The following PEBP4 variants were observed in gnomAD, a reference collection of about 807,000 sequenced individuals.
PEBP4 encodes the protein phosphatidylethanolamine binding protein 4.
In PEBP4, 22 loss-of-function variants were observed where a neutral mutation model predicts 23.9. The ratio of observed to expected loss-of-function variants is 0.92; its 90% CI spans 0.66 to 1.31. The LOEUF (loss-of-function observed/expected upper bound fraction) is 1.31, where lower values mean the gene tolerates loss of function less well. Ranked by LOEUF, PEBP4 falls within the 40% of genes most tolerant of loss-of-function variation. The probability of loss-of-function intolerance (pLI) is 0.00; values close to 1 mark genes in which losing one functional copy is unlikely to be tolerated. For missense variants in PEBP4, 324 were observed against 281.7 expected, an observed-to-expected ratio of 1.15 and a Z score of -1.07; for synonymous variants, 112 against 99.3, an observed-to-expected ratio of 1.13 and a Z score of -0.76.
intron 3 of PEBP4, among the ~76,000 whole-genome samples, chr8:22,859,918 C>G (rs950373211): frequency 6.6e-6 from 1 of 151,554 alleles, no homozygotes; most frequent in Non-Finnish European, 1.5e-5. Context: ...CAGGAGATGT[C>G]TGTCCCTGGG....
At chr8:22,939,778 C>T (rs2128783770) in intron 1 of PEBP4, among the ~76,000 whole-genome samples, 1 of 152,268 alleles carries the variant, frequency 6.6e-6, no homozygotes, top group South Asian at 2.1e-4. Flanking sequence ...GCTCTGACCC[C>T]TTCCCTCACC....
intron 4 of PEBP4, among the ~76,000 whole-genome samples, chr8:22,729,938 T>G (rs1256234453): frequency 6.6e-6 from 1 of 152,178 alleles, no homozygotes; most frequent in Non-Finnish European, 1.5e-5. Context: ...CAACACCTGG[T>G]AGGGGCTTTA....
intron 3 of PEBP4, among the ~76,000 whole-genome samples, chr8:22,854,998 ACG>A (rs748855260): frequency 3.0e-4 from 16 of 53,720 alleles, no homozygotes; most frequent in East Asian, 1.1e-3. Context: ...GTGAGTATGC[ACG>A]CACACACACA....
intron 4 of PEBP4, among the ~76,000 whole-genome samples, chr8:22,760,569 G>A (rs930975469): frequency 6.6e-6 from 1 of 152,008 alleles, no homozygotes; most frequent in African/African-American, 2.4e-5. Flanking sequence ...AGGGAGGATG[G>A]CAGGGGGGGC....
chr8:22,788,839 A>C (rs1806080046), intron 4 of PEBP4, among the ~76,000 whole-genome samples: 1 of 152,210 alleles, frequency 6.6e-6, no homozygotes, highest in South Asian at 2.1e-4. Flanking sequence ...TTGTGTATTC[A>C]CAACTTTGTT....
intron 3 of PEBP4, among the ~76,000 whole-genome samples, chr8:22,918,519 G>A (rs1585343720): frequency 6.6e-6 from 1 of 152,160 alleles, no homozygotes; most frequent in East Asian, 1.9e-4. Flanking sequence ...TTTCCCAACA[G>A]GCTTCAAATC....
chr8:22,765,373 A>G (rs566087324), intron 4 of PEBP4, among the ~76,000 whole-genome samples: 1 of 152,204 alleles, frequency 6.6e-6, no homozygotes, highest in East Asian at 1.9e-4. Context: ...CGAACTCCTG[A>G]CCTCAAGTGA....
intron 4 of PEBP4, among the ~76,000 whole-genome samples, chr8:22,793,118 A>C (rs1465710690): frequency 6.6e-6 from 1 of 152,210 alleles, no homozygotes; most frequent in Non-Finnish European, 1.5e-5. Flanking sequence ...ATTTTGGTAC[A>C]TACACTTTCC....
intron 3 of PEBP4, among the ~76,000 whole-genome samples, chr8:22,868,647 T>C (rs1052829790): frequency 6.6e-6 from 1 of 152,154 alleles, no homozygotes; most frequent in Non-Finnish European, 1.5e-5. Context: ...CCCTCTCAAC[T>C]AATGGCAACT....
At chr8:22,921,572 G>A (rs943501790) in intron 2 of PEBP4, among the ~76,000 whole-genome samples, 3 of 152,168 alleles carry the variant, frequency 2.0e-5, no homozygotes, top group South Asian at 2.1e-4. Context: ...GCAAAAGGCC[G>A]CTGAGCCCCC....
chr8:22,813,707 C>T (rs984269989), intron 4 of PEBP4, among the ~76,000 whole-genome samples: 4 of 152,316 alleles, frequency 2.6e-5, no homozygotes, highest in African/African-American at 9.6e-5. Flanking sequence ...TGTTATCTGT[C>T]AATGCTCAGT....
At position 22,713,489 on chromosome 8, in the gene PEBP4, G is replaced by A. The variant is rs1804351364; in HGVS notation, c.565C>T (p.Pro189Ser). The A allele has an allele frequency of 6.2e-7, 1 of 1,614,166 alleles. No individual in the cohort carries two copies. Among genetic ancestry groups the A allele is most frequent in the Admixed American group, 1.7e-5 (1 of 60,022 alleles). The stretch of plus-strand genomic sequence containing the variant: ...GTCATGAACTGGGTGCTTGCTTCAG[G>A]TTCGCCCAGGTGGAAACGGTTCAGA... ...RFLNRFHLGE[P>S]EASTQFMTQN... The change falls in exon 7 of 7, where the codon CCT becomes TCT. Residue 189 changes from proline (P) to serine (S), a missense_variant. Physicochemically the swap from Pro to Ser is moderately conservative, Grantham distance 74. Coordinates refer to ENST00000256404, the MANE Select transcript of PEBP4 (RefSeq NM_144962.3).
intron 3 of PEBP4, among the ~76,000 whole-genome samples, chr8:22,857,631 G>C (rs1473255953): frequency 6.6e-6 from 1 of 152,192 alleles, no homozygotes; most frequent in Non-Finnish European, 1.5e-5. Flanking sequence ...AGGAGAACCT[G>C]AAGTTGGGGG....
intron 3 of PEBP4, among the ~76,000 whole-genome samples, chr8:22,917,408 C>G (rs1302650029): frequency 6.6e-6 from 1 of 152,170 alleles, no homozygotes; most frequent in Admixed American, 6.5e-5. Context: ...CTAGGAAGAA[C>G]TATCCTTCCT....
At position 22,833,342 on chromosome 8, in the gene PEBP4, G is replaced by GT. The variant is rs553993591; in HGVS notation, c.259-15608dup. Among the ~76,000 whole-genome samples, 12 of 152,098 alleles carry GT rather than the reference G, an allele frequency of 7.9e-5. No homozygotes were observed. The South Asian group carries it at 2.1e-3, about 26-fold the overall frequency. On this transcript the variant is annotated intron_variant, in intron 3 of 6. Transcript: ENST00000256404. Reference sequence around the variant, plus strand: ...CAAGCATGGCATGATCCCTCTTTCTGTTTTTTTGAGATAGGGTCTTATTCT... The same window carrying GT: ...CAAGCATGGCATGATCCCTCTTTCTGTTTTTTTTGAGATAGGGTCTTATTCT...
At chr8:22,782,724 A>T (rs751256155) in intron 4 of PEBP4, among the ~76,000 whole-genome samples, 1 of 152,180 alleles carries the variant, frequency 6.6e-6, no homozygotes, top group Non-Finnish European at 1.5e-5. Flanking sequence ...GACCACTTTC[A>T]TCTGATTGGC....
At chr8:22,742,315 G>A (rs549968570) in intron 4 of PEBP4, among the ~76,000 whole-genome samples, 8 of 152,326 alleles carry the variant, frequency 5.3e-5, no homozygotes, top group African/African-American at 1.7e-4. Flanking sequence ...GTCTGGCTAC[G>A]CTCCATTCAG....
chr8:22,852,185 T>TACAACAGAA lies in PEBP4; in HGVS notation c.259-34451_259-34450insTTCTGTTGT, dbSNP rs1807565695. On this transcript the variant is annotated intron_variant, in intron 3 of 6. Coordinates refer to ENST00000256404, the MANE Select transcript of PEBP4 (RefSeq NM_144962.3). The stretch of plus-strand genomic sequence containing the variant: ...CATCACTGAGATTTAATGGACATTC[T>TACAACAGAA]GTTGCTGGAGATTTGGTCTCTTGCC... 5.3e-5 allele frequency among the ~76,000 whole-genome samples: 8 copies of TACAACAGAA among 152,340 alleles called. No individual in the cohort carries two copies. In the East Asian group the frequency reaches 1.5e-3, roughly 29 times the overall value.
intron 3 of PEBP4, among the ~76,000 whole-genome samples, chr8:22,873,401 A>G (rs1334635172): frequency 6.6e-6 from 1 of 152,090 alleles, no homozygotes; most frequent in African/African-American, 2.4e-5. Flanking sequence ...GCTCAAGGCG[A>G]GGAGGATTGT....
Sources: allele counts gnomAD v4.1 joint callset (sites outside exome capture counted in the v4.1 genomes callset), GRCh38; gene constraint gnomAD v4.1.1; transcripts MANE v1.5; gene names NCBI Gene and HGNC (gene_info 2026-07-23, HGNC 2026-07-21).